PIK3CA: variants seen among roughly 807,000 people sequenced by gnomAD.
PIK3CA encodes the protein phosphatidylinositol-4,5-bisphosphate 3-kinase catalytic subunit alpha.
In PIK3CA, 27 loss-of-function variants were observed where a neutral mutation model predicts 138.2. The ratio of observed to expected loss-of-function variants is 0.20; its 90% CI spans 0.14 to 0.27. The LOEUF is 0.27. Among genes scored for constraint, PIK3CA ranks in the 10% least tolerant of loss-of-function variants. PIK3CA has a pLI of 1.00. For missense variants in PIK3CA, 544 were observed against 1,277.4 expected, an observed-to-expected ratio of 0.43 and a Z score of 8.75; for synonymous variants, 358 against 413.2, an observed-to-expected ratio of 0.87 and a Z score of 1.62.
Position 179,226,033 on chromosome 3 carries a change from G to T in PIK3CA, c.2488G>T (p.Asp830Tyr). 6.3e-7 allele frequency: 1 copy of T among 1,580,754 alleles called. No individual in the cohort carries two copies. Among genetic ancestry groups the T allele is most frequent in the South Asian group, 1.1e-5 (1 of 90,130 alleles). ...MENIWQNQGL[D>Y]LRMLPYGCLS... The stretch of plus-strand genomic sequence containing the variant: ...AAATATCTGGCAAAATCAAGGTCTT[G>T]ATCTTCGGTAGGTAACCAGTAAGGC... Residue 830 changes from aspartate (D) to tyrosine (Y), a missense_variant, in exon 17 of 21, where the codon GAT becomes TAT. Asp to Tyr is a radical substitution (Grantham distance 160, BLOSUM62 -3). Coordinates refer to ENST00000263967, the MANE Select transcript of PIK3CA (RefSeq NM_006218.4).
Position 179,230,113 on chromosome 3 carries a change from G to A in PIK3CA, c.2776G>A (p.Asp926Asn), listed in dbSNP as rs773300933. ...CAATAGTAACATCATGGTGAAAGAC[G>A]ATGGACAAGTAATGGTTTTCTCTGT... is the stretch of plus-strand genomic sequence containing the variant. The part of the protein sequence containing the change: ...RHNSNIMVKD[D>N]GQLFHIDFGH... The change falls in exon 19 of 21, where the codon GAT becomes AAT. Residue 926 changes from aspartate (D) to asparagine (N), a missense_variant. Physicochemically the swap from Asp to Asn is conservative, Grantham distance 23. Transcript: ENST00000263967. This position sits in a 1 kb window ranked among gnomAD's most constrained non-coding sequence, Gnocchi z 5.4. The A allele has an allele frequency of 1.3e-5, 21 of 1,606,738 alleles. No homozygotes were observed. Among genetic ancestry groups the A allele is most frequent in the Non-Finnish European group, 1.7e-5 (20 of 1,173,700 alleles).
At chr3:179,212,339 G>A (rs1321233032) in intron 9 of PIK3CA, among the ~76,000 whole-genome samples, 1 of 145,446 alleles carries the variant, frequency 6.9e-6, no homozygotes, top group Non-Finnish European at 1.5e-5. Flanking sequence ...AGATGGGGTA[G>A]GTGGATCACA....
chr3:179,155,890 G>A (rs1244133763), intron 1 of PIK3CA, among the ~76,000 whole-genome samples: 2 of 152,168 alleles, frequency 1.3e-5, no homozygotes, highest in Admixed American at 6.5e-5. Flanking sequence ...ATTCGATCAC[G>A]AATCAGAAAA....
In PIK3CA at chr3:179,234,072, A is replaced by G. The variant is rs2108428853; in HGVS notation, c.2937-22A>G. 3 of 1,577,426 alleles carry G rather than the reference A, an allele frequency of 1.9e-6. No individual in the cohort carries two copies. Among genetic ancestry groups the G allele is most frequent in the East Asian group, 2.3e-5 (1 of 44,244 alleles). On this transcript the variant is annotated intron_variant, in intron 20 of 20. Coordinates refer to ENST00000263967, the MANE Select transcript of PIK3CA (RefSeq NM_006218.4). This position sits in a 1 kb window ranked among gnomAD's most constrained non-coding sequence, Gnocchi z 5.1. ...TAACATCATTTGCTCCAAACTGACC[A>G]AACTGTTCTTATTACTTATAGGTTT...
At position 179,229,459 on chromosome 3, in the gene PIK3CA, T is replaced by C. The variant is rs1273233316; in HGVS notation, c.2666+17T>C. ...AGGAGAAATGTGAGTTGTATTATTC[T>C]TTCTTCCTATGTTAATCTAAGTTTT... On this transcript the variant is annotated intron_variant, in intron 18 of 20. Transcript: ENST00000263967. 6.3e-7 allele frequency: 1 copy of C among 1,591,696 alleles called. No individual in the cohort carries two copies. The highest frequency in any genetic ancestry group is 8.6e-7 in the Non-Finnish European group (1 of 1,167,132).
At chr3:179,228,234 C>A (rs1456846860) in intron 17 of PIK3CA, among the ~76,000 whole-genome samples, 1 of 151,918 alleles carries the variant, frequency 6.6e-6, no homozygotes, top group African/African-American at 2.4e-5. Flanking sequence ...AACTTAACAT[C>A]TTTCTGATGA....
At chr3:179,183,672 A>G (rs929838742) in intron 1 of PIK3CA, among the ~76,000 whole-genome samples, 3 of 152,248 alleles carry the variant, frequency 2.0e-5, no homozygotes, top group South Asian at 4.1e-4. Flanking sequence ...AGAATAAGAG[A>G]TTACTATAAT....
At chr3:179,161,172 G>C (rs556596185) in intron 1 of PIK3CA, among the ~76,000 whole-genome samples, 1 of 152,168 alleles carries the variant, frequency 6.6e-6, no homozygotes, top group Non-Finnish European at 1.5e-5. Flanking sequence ...ACACAGAGCA[G>C]ATAGGACAAA....
chr3:179,203,886 T>A (rs2108393675), intron 5 of PIK3CA, 97 bp downstream of exon 5: 1 of 854,732 alleles, frequency 1.2e-6, no homozygotes, highest in Non-Finnish European at 1.8e-6. Flanking sequence ...TAGTATGTTT[T>A]CAGATGGTTA....
intron 18 of PIK3CA, 130 bp from the exon 19 acceptor site, chr3:179,229,874 A>G: frequency 1.7e-6 from 1 of 600,772 alleles, no homozygotes; most frequent in South Asian, 3.0e-5. Flanking sequence ...ATCTTTGGAC[A>G]TAATTTCCTT....
At chr3:179,170,082 A>G (rs1044517386) in intron 1 of PIK3CA, among the ~76,000 whole-genome samples, 2 of 144,680 alleles carry the variant, frequency 1.4e-5, no homozygotes, top group African/African-American at 5.5e-5. Context: ...GCGCGCACAC[A>G]CACACACACA....
Position 179,234,424 on chromosome 3 carries a change from T to G in PIK3CA, c.*60T>G. 2.8e-6 allele frequency: 4 copies of G among 1,441,130 alleles called. No homozygotes were observed. Among genetic ancestry groups the G allele is most frequent in the Non-Finnish European group, 3.8e-6 (4 of 1,061,114 alleles). 89.3% of individuals were successfully genotyped at this position (1,441,130 alleles called of 1,614,324 possible). A position where few individuals can be genotyped will look rare whatever the true frequency, so the allele number is the denominator to read the frequency against. On this transcript the variant is annotated 3_prime_UTR_variant, in exon 21 of 21. Transcript: ENST00000263967. The surrounding 1 kb of genome is among the most constrained non-coding windows in gnomAD (Gnocchi z 5.1). ...TTCCACACTGCACTGTTAATAACTCTCAGCAGGCAAAGACCGATTGCATAG... is the reference window on the plus strand; with the variant it reads ...TTCCACACTGCACTGTTAATAACTCGCAGCAGGCAAAGACCGATTGCATAG...
chr3:179,216,372 T>G (rs372732447), intron 9 of PIK3CA, among the ~76,000 whole-genome samples: 37 of 152,174 alleles, frequency 2.4e-4, no homozygotes, highest in African/African-American at 8.2e-4. Context: ...CTTTTCATCT[T>G]TTATTATATG....
intron 6 of PIK3CA, among the ~76,000 whole-genome samples, chr3:179,205,654 A>G (rs1724540962): frequency 6.6e-6 from 1 of 152,208 alleles, no homozygotes; most frequent in South Asian, 2.1e-4. Context: ...ATTTTAAATT[A>G]TTACTGCCTG....
At position 179,234,010 on chromosome 3, in the gene PIK3CA, C is replaced by T. The variant is rs2108428676; in HGVS notation, c.2937-84C>T. On this transcript the variant is annotated intron_variant, in intron 20 of 20. Transcript: ENST00000263967. This position sits in a 1 kb window ranked among gnomAD's most constrained non-coding sequence, Gnocchi z 5.1. ...TATAGCTTTGTCTACGAAAGCCTCT[C>T]TAATTTTGTGACATTTGAGCAAAGA... The T allele has an allele frequency of 3.2e-6, 3 of 935,970 alleles. No homozygotes were observed. The highest frequency in any genetic ancestry group is 1.9e-5 in the South Asian group (1 of 53,120). 58.0% of individuals were successfully genotyped at this position (935,970 alleles called of 1,614,324 possible).
intron 1 of PIK3CA, among the ~76,000 whole-genome samples, chr3:179,181,868 A>G (rs1021264069): frequency 2.6e-5 from 4 of 152,158 alleles, no homozygotes; most frequent in African/African-American, 9.6e-5. Context: ...TCTTCTTTAT[A>G]TACCATAGTA....
At chr3:179,194,126 A>C (rs1188012266) in intron 1 of PIK3CA, among the ~76,000 whole-genome samples, 1 of 152,218 alleles carries the variant, frequency 6.6e-6, no homozygotes, top group Non-Finnish European at 1.5e-5. Context: ...ATTATAACCT[A>C]CACTTGAAAA....
chr3:179,207,961 G>A (rs1724612299), intron 6 of PIK3CA, among the ~76,000 whole-genome samples: 2 of 152,138 alleles, frequency 1.3e-5, no homozygotes, highest in Non-Finnish European at 2.9e-5. Flanking sequence ...GAGGCAAGAG[G>A]ATCACTTGAG....
chr3:179,150,354 A>G (rs367906985), intron 1 of PIK3CA, among the ~76,000 whole-genome samples: 4 of 152,326 alleles, frequency 2.6e-5, no homozygotes, highest in South Asian at 4.1e-4. Context: ...ATATCGTAAT[A>G]ATAGCATCAT....
Sources: gnomAD v4.1 joint callset for allele counts (sites outside exome capture counted in the v4.1 genomes callset) on GRCh38, gnomAD v4.1.1 for gene constraint, Gnocchi (gnomAD v3.1) non-coding constraint, MANE v1.5 for transcripts, NCBI Gene and HGNC (gene_info 2026-07-23, HGNC 2026-07-21) for gene names.